ALK: variants seen among roughly 807,000 people sequenced by gnomAD.
ALK encodes the protein ALK receptor tyrosine kinase.
In ALK, 74 loss-of-function variants were observed where a neutral mutation model predicts 163.1. The ratio of observed to expected loss-of-function variants is 0.45; its 90% CI spans 0.38 to 0.55. ALK has a LOEUF of 0.55. Ranked by LOEUF, ALK falls within the 20% of genes least tolerant of loss-of-function variation. The probability of loss-of-function intolerance (pLI) is 0.00; values close to 1 mark genes in which losing one functional copy is unlikely to be tolerated. For missense variants in ALK, 2,063 were observed against 2,105.3 expected (o/e 0.98, Z 0.39); for synonymous variants, 960 against 843.2 (o/e 1.14, Z -2.40).
intron 1 of ALK, among the ~76,000 whole-genome samples, chr2:29,752,738 C>G (rs1680407538): frequency 6.6e-6 from 1 of 152,170 alleles, no homozygotes; most frequent in African/African-American, 2.4e-5. Context: ...TTTCTGCTCT[C>G]ACATCCTGTA....
chr2:29,354,767 C>CTTTTTTTT (rs763001304), intron 5 of ALK, among the ~76,000 whole-genome samples: 10 of 138,484 alleles, frequency 7.2e-5, no homozygotes, highest in Non-Finnish European at 1.3e-4. Flanking sequence ...TTTTCTTTTT[C>CTTTTTTTT]TTTTTTTTTT....
At chr2:29,651,969 G>A (rs1197491319) in intron 3 of ALK, among the ~76,000 whole-genome samples, 1 of 152,066 alleles carries the variant, frequency 6.6e-6, no homozygotes, top group Non-Finnish European at 1.5e-5. Flanking sequence ...GATGCTATGG[G>A]CATCAATCAA....
intron 4 of ALK, among the ~76,000 whole-genome samples, chr2:29,453,874 G>C (rs1670884174): frequency 6.6e-6 from 1 of 152,126 alleles, no homozygotes; most frequent in South Asian, 2.1e-4. Flanking sequence ...ACAGCATCCA[G>C]CATACCCCAG....
intron 3 of ALK, among the ~76,000 whole-genome samples, chr2:29,611,342 T>G (rs538456881): frequency 5.9e-5 from 9 of 152,328 alleles, no homozygotes; most frequent in Admixed American, 2.6e-4. Context: ...CTTAGGCTGG[T>G]AGGAGCATAT....
At chr2:29,877,144 T>C (rs1035969120) in intron 1 of ALK, among the ~76,000 whole-genome samples, 1 of 152,238 alleles carries the variant, frequency 6.6e-6, no homozygotes, top group Non-Finnish European at 1.5e-5. Flanking sequence ...CATTTGCATA[T>C]CAAAAATAAA....
chr2:29,374,876 C>G (rs1011639195), intron 5 of ALK, among the ~76,000 whole-genome samples: 4 of 152,246 alleles, frequency 2.6e-5, no homozygotes, highest in Admixed American at 1.3e-4. Context: ...GAGATAGGCA[C>G]TAGAACTAAG....
intron 8 of ALK, among the ~76,000 whole-genome samples, chr2:29,301,848 G>T (rs972745967): frequency 6.6e-6 from 1 of 152,174 alleles, no homozygotes; most frequent in African/African-American, 2.4e-5. Context: ...CCCAGGGATG[G>T]TGTGAAGGCT....
chr2:29,393,545 C>T (rs560608609), intron 4 of ALK, among the ~76,000 whole-genome samples: 1 of 152,346 alleles, frequency 6.6e-6, no homozygotes, highest in Non-Finnish European at 1.5e-5. Context: ...TCCGTCACCA[C>T]TGGATCATCC....
chr2:29,525,163 C>T (rs955925240), intron 4 of ALK, among the ~76,000 whole-genome samples: 16 of 152,126 alleles, frequency 1.1e-4, no homozygotes, highest in African/African-American at 3.6e-4. Context: ...ACCTTGGATA[C>T]CCTCCAGCTA....
intron 3 of ALK, among the ~76,000 whole-genome samples, chr2:29,687,497 G>C (rs745492658): frequency 4.0e-5 from 6 of 151,448 alleles, no homozygotes; most frequent in Non-Finnish European, 7.4e-5. Context: ...TAACTCAATA[G>C]AATAGTCTCG....
intron 1 of ALK, among the ~76,000 whole-genome samples, chr2:29,839,727 T>C (rs1665652555): frequency 2.0e-5 from 3 of 152,276 alleles, no homozygotes; most frequent in Middle Eastern, 3.4e-3. Flanking sequence ...TATCCTTAAA[T>C]GGTCCAGGGT....
rs1669472540 is a variant in ALK at position 29,402,483 on chromosome 2, G to A, written c.1155-18624C>T. On this transcript the variant is annotated intron_variant, in intron 4 of 28. Coordinates refer to ENST00000389048, the MANE Select transcript of ALK (RefSeq NM_004304.5). ...GAGTCACTCCACTTCTTTCCTTGTG[G>A]TTTCTTTATTTTATTAACCCTTTCA... Among the ~76,000 whole-genome samples, 3 of 152,204 alleles carry A rather than the reference G, an allele frequency of 2.0e-5. No individual in the cohort carries two copies. In the South Asian group the frequency reaches 6.2e-4, roughly 31 times the overall value.
chr2:29,757,922 G>C (rs1283360865), intron 1 of ALK, among the ~76,000 whole-genome samples: 1 of 151,122 alleles, frequency 6.6e-6, no homozygotes, highest in Admixed American at 6.6e-5. Flanking sequence ...AGACAGACAT[G>C]ATCTCACTCA....
At chr2:29,319,239 G>A (rs1360753348) in intron 7 of ALK, 1 of 152,278 alleles carries the variant, frequency 6.6e-6, no homozygotes, top group African/African-American at 2.4e-5. Context: ...CGTGGCCGGT[G>A]CTGTGGTATG....
chr2:29,770,209 C>A (rs1167889173), intron 1 of ALK, among the ~76,000 whole-genome samples: 2 of 152,210 alleles, frequency 1.3e-5, no homozygotes, highest in African/African-American at 2.4e-5. Flanking sequence ...TCCAAAATGC[C>A]GAGATCTCCA....
chr2:29,811,640 C>A (rs149998921), intron 1 of ALK, among the ~76,000 whole-genome samples: 2 of 152,144 alleles, frequency 1.3e-5, no homozygotes, highest in Non-Finnish European at 2.9e-5. Context: ...AGGCATGACT[C>A]TAAAGCACAA....
At chr2:29,401,239 C>T (rs895744490) in intron 4 of ALK, among the ~76,000 whole-genome samples, 1 of 152,122 alleles carries the variant, frequency 6.6e-6, no homozygotes, top group African/African-American at 2.4e-5. Flanking sequence ...TGTTTGCAGG[C>T]TGTGGCTGAT....
Position 29,227,465 on chromosome 2 carries a change from C to T in ALK, c.2914+109G>A. On this transcript the variant is annotated intron_variant, in intron 17 of 28. Transcript: ENST00000389048. The surrounding 1 kb of genome is among the most constrained non-coding windows in gnomAD (Gnocchi z 4.4). ...CATAGGAAGCTTGCCTGCCAGGGAC[C>T]CATAATTGTGCCTCTGTATCCTGGA... 1.0e-6 allele frequency: 1 copy of T among 985,932 alleles called. No homozygotes were observed. Among genetic ancestry groups the T allele is most frequent in the Non-Finnish European group, 1.6e-6 (1 of 607,860 alleles). 61.1% of individuals were successfully genotyped at this position (985,932 alleles called of 1,614,324 possible).
chr2:29,868,069 C>T (rs1467255698), intron 1 of ALK, among the ~76,000 whole-genome samples: 2 of 152,178 alleles, frequency 1.3e-5, no homozygotes, highest in African/African-American at 2.4e-5. Flanking sequence ...CCTACTTTGG[C>T]TACAGCAGAG....
Sources: gnomAD v4.1 joint callset for allele counts (sites outside exome capture counted in the v4.1 genomes callset) on GRCh38, gnomAD v4.1.1 for gene constraint, Gnocchi (gnomAD v3.1) non-coding constraint, MANE v1.5 for transcripts, NCBI Gene and HGNC (gene_info 2026-07-23, HGNC 2026-07-21) for gene names.